Variants in TYSND1 observed in about 807,000 individuals in gnomAD.
The protein encoded by TYSND1 is trypsin like peroxisomal matrix peptidase 1.
Under a neutral mutation model 37.2 loss-of-function variants are expected in TYSND1, and 30 were observed. The ratio of observed to expected loss-of-function variants is 0.81; its 90% CI spans 0.60 to 1.09. The LOEUF (loss-of-function observed/expected upper bound fraction) is 1.09, where lower values mean the gene tolerates loss of function less well. Ranked by LOEUF, TYSND1 falls within the 50% of genes least tolerant of loss-of-function variation. The probability of loss-of-function intolerance (pLI) is 0.00; values close to 1 mark genes in which losing one functional copy is unlikely to be tolerated. For missense variants in TYSND1, 806 were observed against 817.4 expected, an observed-to-expected ratio of 0.99 and a Z score of 0.17; for synonymous variants, 364 against 383.8, an observed-to-expected ratio of 0.95 and a Z score of 0.60.
Position 70,146,050 on chromosome 10 carries a change from C to G in TYSND1, c.537G>C (p.Leu179=), listed in dbSNP as rs1408299750. The G allele has an allele frequency of 6.3e-7, 1 of 1,596,434 alleles. No homozygotes were observed. The highest frequency in any genetic ancestry group is 8.5e-7 in the Non-Finnish European group (1 of 1,170,018). The change falls in exon 1 of 4, where the codon CTG becomes CTC. Residue 179 remains leucine, a synonymous_variant. Coordinates refer to ENST00000287078, the MANE Select transcript of TYSND1 (RefSeq NM_173555.4). The part of the protein sequence containing the change: ...EVSEDEEADQ[L]RALGWFALLG... ...GCAGCGCAAACCAGCCCAGCGCTCT[C>G]AGTTGATCCGCCTCCTCGTCCTCCG...
chr10:70,145,883 A>G lies in TYSND1; in HGVS notation c.704T>C (p.Leu235Pro). The change falls in exon 1 of 4, where the codon CTC (leucine) becomes CCC (proline). Residue 235 changes from leucine to proline, a missense_variant. Transcript: ENST00000287078. ...PFGAFCPDIF[L>P]NTLSCGVLSN... ...GAGCACCCCGCAGCTCAGCGTGTTGAGAAAGATGTCGGGGCAGAAGGCGCC... is the reference window on the plus strand; with the variant it reads ...GAGCACCCCGCAGCTCAGCGTGTTGGGAAAGATGTCGGGGCAGAAGGCGCC... 3.9e-6 allele frequency: 6 copies of G among 1,546,860 alleles called. No individual in the cohort carries two copies. Among genetic ancestry groups the G allele is most frequent in the Non-Finnish European group, 5.2e-6 (6 of 1,145,536 alleles).
rs894034624 is a variant in TYSND1, at chr10:70,138,803, A to G, written c.*1121T>C. ...ACCCTGCTGAGAAAACAGCACAGAA[A>G]GGGTGTATTTCTGGGTTGGGCACAG... On this transcript the variant is annotated 3_prime_UTR_variant, in exon 4 of 4. Transcript: ENST00000287078. 1 of 152,368 alleles carries G rather than the reference A, an allele frequency of 6.6e-6. No homozygotes were observed. Among genetic ancestry groups the G allele is most frequent in the African/African-American group, 2.4e-5 (1 of 41,470 alleles). The allele number at this position is 152,368 out of a possible 1,614,324, so 9.4% of individuals were successfully genotyped here. A position where few individuals can be genotyped will look rare whatever the true frequency, so the allele number is the denominator to read the frequency against.
At chr10:70,141,864 C>T (rs767748912) in intron 3 of TYSND1, among the ~76,000 whole-genome samples, 40 of 152,264 alleles carry the variant, frequency 2.6e-4, no homozygotes, top group South Asian at 6.2e-4. Flanking sequence ...CACGAGCTAC[C>T]ACACCAGGCC....
intron 3 of TYSND1, among the ~76,000 whole-genome samples, chr10:70,142,438 G>A (rs545169222): frequency 6.6e-6 from 1 of 152,300 alleles, no homozygotes; most frequent in East Asian, 1.9e-4. Context: ...GATCAAACCA[G>A]ATTAGATTAG....
At chr10:70,143,791 C>A in intron 2 of TYSND1, 51 bp downstream of exon 2, 1 of 1,607,168 alleles carries the variant, frequency 6.2e-7, no homozygotes, top group South Asian at 1.1e-5. Flanking sequence ...TTCCTGAGGC[C>A]CACCCTAGCT....
Position 70,145,506 on chromosome 10 carries a change from C to A in TYSND1, c.1081G>T (p.Ala361Ser), listed in dbSNP as rs760376665. Reference sequence around the variant, plus strand: ...GTCACTACAAGGCGGGGTGCCACAGCCACTCCGGAGCCCCATACGGTGCCG... The same window carrying A: ...GTCACTACAAGGCGGGGTGCCACAGACACTCCGGAGCCCCATACGGTGCCG... ...ECGTVWGSGVAVAPRLVVTCR... is the reference protein window; with the variant it reads ...ECGTVWGSGVSVAPRLVVTCR... Residue 361 changes from alanine (A) to serine (S), a missense_variant, in exon 1 of 4, where the codon GCT (alanine) becomes TCT (serine). Transcript: ENST00000287078. The A allele has an allele frequency of 6.5e-7, 1 of 1,530,672 alleles. No individual in the cohort carries two copies. The highest frequency in any genetic ancestry group is 2.0e-5 in the Admixed American group (1 of 50,306). 94.8% of individuals were successfully genotyped at this position (1,530,672 alleles called of 1,614,324 possible).
intron 2 of TYSND1, 108 bp from the exon 3 acceptor site, chr10:70,142,961 C>T (rs974481517): frequency 4.6e-6 from 6 of 1,304,794 alleles, no homozygotes; most frequent in Non-Finnish European, 5.3e-6. Flanking sequence ...ACCTCTCCAC[C>T]CTTCAAGTTT....
At position 70,145,842 on chromosome 10, in the gene TYSND1, G is replaced by A. The variant is rs1343542773; in HGVS notation, c.745C>T (p.Pro249Ser). ...CAGCGTGCGTCGGTAAGCAGCAGTG[G>A]GCCGGCCACGTTGCTGAGCACCCCG... ...SCGVLSNVAG[P>S]LLLTDARCLP... Residue 249 changes from proline to serine, a missense_variant, in exon 1 of 4, where the codon CCA becomes TCA. Physicochemically the swap from Pro to Ser is moderately conservative, Grantham distance 74. Transcript: ENST00000287078. The A allele has an allele frequency of 1.9e-6, 3 of 1,539,778 alleles. No homozygotes were observed. Among genetic ancestry groups the A allele is most frequent in the Admixed American group, 4.0e-5 (2 of 50,592 alleles).
chr10:70,145,758 C>T lies in TYSND1; in HGVS notation c.829G>A (p.Ala277Thr). 1 of 1,438,746 alleles carries T rather than the reference C, an allele frequency of 7.0e-7. No homozygotes were observed. The allele number at this position is 1,438,746 out of a possible 1,614,324, so 89.1% of individuals were successfully genotyped here. The change falls in exon 1 of 4, where the codon GCG becomes ACG. Residue 277 changes from alanine to threonine, a missense_variant. Physicochemically the swap from Ala to Thr is moderately conservative, Grantham distance 58. Coordinates refer to ENST00000287078, the MANE Select transcript of TYSND1 (RefSeq NM_173555.4). Reference sequence around the variant, plus strand: ...CAACAGAGCGGCGCCACCACCAGCGCCACCAGCGCCCCCGCGGGCCGCGCG... The same window carrying T: ...CAACAGAGCGGCGCCACCACCAGCGTCACCAGCGCCCCCGCGGGCCGCGCG... ...FTARPAGALV[A>T]LVVAPLCWKA...
intron 3 of TYSND1, among the ~76,000 whole-genome samples, chr10:70,142,348 A>G (rs1466192235): frequency 1.3e-5 from 2 of 151,424 alleles, no homozygotes; most frequent in Non-Finnish European, 2.9e-5. Flanking sequence ...TTGTCTTCTC[A>G]TTCATTTGCT....
intron 3 of TYSND1, among the ~76,000 whole-genome samples, chr10:70,140,443 A>T (rs2072748425): frequency 6.6e-6 from 1 of 152,152 alleles, no homozygotes; most frequent in African/African-American, 2.4e-5. Context: ...GGTTTTGTTC[A>T]TGCAGTCTCC....
intron 3 of TYSND1, 29 bp from the exon 4 acceptor site, chr10:70,140,170 A>C (rs1382185884): frequency 6.4e-7 from 1 of 1,563,044 alleles, no homozygotes; most frequent in African/African-American, 1.3e-5. Flanking sequence ...GCAAAAGAGG[A>C]TGTGAGCCAG....
rs78706457 is a variant in TYSND1 at position 70,143,067 on chromosome 10, G to T, written c.1298-214C>A. On this transcript the variant is annotated intron_variant, in intron 2 of 3. Coordinates refer to ENST00000287078, the MANE Select transcript of TYSND1 (RefSeq NM_173555.4). ...TGAGCTCCTAGCACTGTATCTGCAT[G>T]ACCACTTCTGAGCAACAGGCTGTTC... 8.0e-3 allele frequency among the ~76,000 whole-genome samples: 1,223 copies of T among 152,312 alleles called. 6 individuals are homozygous for T. Among genetic ancestry groups the T allele is most frequent in the Non-Finnish European group, 0.013 (890 of 68,018 alleles).
In TYSND1 at chr10:70,145,468, C is replaced by A; in HGVS notation, c.1119G>T (p.Val373=). ...APRLVVTCRH[V]SPREAARVLV... ...GGACCCTGGCTGCTTCCCGAGGGGACACGTGCCGACAGGTCACTACAAGGC... is the reference window on the plus strand; with the variant it reads ...GGACCCTGGCTGCTTCCCGAGGGGAAACGTGCCGACAGGTCACTACAAGGC... Residue 373 remains valine (V), a synonymous_variant, in exon 1 of 4, where the codon GTG becomes GTT. Coordinates refer to ENST00000287078, the MANE Select transcript of TYSND1 (RefSeq NM_173555.4). The A allele has an allele frequency of 6.7e-7, 1 of 1,486,530 alleles. No homozygotes were observed. Among genetic ancestry groups the A allele is most frequent in the Non-Finnish European group, 8.9e-7 (1 of 1,120,734 alleles). 92.1% of individuals were successfully genotyped at this position (1,486,530 alleles called of 1,614,324 possible).
rs993318591 is a variant in TYSND1 at position 70,138,030 on chromosome 10, G to A, written c.*1894C>T. On this transcript the variant is annotated 3_prime_UTR_variant, in exon 4 of 4. Transcript: ENST00000287078. ...GGATATCGCAAAGGATACAGATGAA[G>A]AGATGCACATAGAGCAAGGAATGAG... 4 of 152,272 alleles carry A rather than the reference G, an allele frequency of 2.6e-5. No individual in the cohort carries two copies. The highest frequency in any genetic ancestry group is 5.9e-5 in the Non-Finnish European group (4 of 68,064). 9.4% of individuals were successfully genotyped at this position (152,272 alleles called of 1,614,324 possible). A position where few individuals can be genotyped will look rare whatever the true frequency, so the allele number is the denominator to read the frequency against.
Position 70,145,864 on chromosome 10 carries a change from C to T in TYSND1, c.723G>A (p.Gly241=), listed in dbSNP as rs1177881599. ...GTGGGCCGGCCACGTTGCTGAGCAC[C>T]CCGCAGCTCAGCGTGTTGAGAAAGA... The part of the protein sequence containing the change: ...PDIFLNTLSC[G]VLSNVAGPLL... The change falls in exon 1 of 4, where the codon GGG becomes GGA. Residue 241 remains glycine (G), a synonymous_variant. Transcript: ENST00000287078. The T allele has an allele frequency of 1.9e-6, 3 of 1,544,918 alleles. No individual in the cohort carries two copies. Among genetic ancestry groups the T allele is most frequent in the East Asian group, 4.9e-5 (2 of 40,692 alleles).
rs574800270 is a variant in TYSND1, at chr10:70,145,450, G to C, written c.1137C>G (p.Ala379=). 1.1e-5 allele frequency: 16 copies of C among 1,470,220 alleles called. No homozygotes were observed. In the South Asian group the frequency reaches 2.3e-4, roughly 21 times the overall value. The allele number at this position is 1,470,220 out of a possible 1,614,324, so 91.1% of individuals were successfully genotyped here. A position where few individuals can be genotyped will look rare whatever the true frequency, so the allele number is the denominator to read the frequency against. Residue 379 remains alanine (A), a synonymous_variant, in exon 1 of 4, where the codon GCC becomes GCG. Coordinates refer to ENST00000287078, the MANE Select transcript of TYSND1 (RefSeq NM_173555.4). ...TCRHVSPREA[A]RVLVRSTTPK... ...GGGTGGTGGAGCGCACCAGGACCCT[G>C]GCTGCTTCCCGAGGGGACACGTGCC...
chr10:70,144,390 T>C (rs2072841657), intron 1 of TYSND1: 1 of 926,898 alleles, frequency 1.1e-6, no homozygotes, highest in Non-Finnish European at 1.3e-6. Flanking sequence ...AACACAACAC[T>C]TTCCTTCACT....
In TYSND1 at chr10:70,146,322, G is replaced by C; in HGVS notation, c.265C>G (p.Pro89Ala). Reference sequence around the variant, plus strand: ...CCGCCCCCGGGACCCGCGGCCGTTGGGGCCCACTGCACGTGCAGGCGCAGG... The same window carrying C: ...CCGCCCCCGGGACCCGCGGCCGTTGCGGCCCACTGCACGTGCAGGCGCAGG... ...DDLRLHVQWA[P>A]TAAGPGGGAE... The change falls in exon 1 of 4, where the codon CCA (proline) becomes GCA (alanine). Residue 89 changes from proline (P) to alanine (A), a missense_variant. Physicochemically the swap from Pro to Ala is conservative, Grantham distance 27. Coordinates refer to ENST00000287078, the MANE Select transcript of TYSND1 (RefSeq NM_173555.4). The C allele has an allele frequency of 6.6e-7, 1 of 1,515,214 alleles. No individual in the cohort carries two copies. The highest frequency in any genetic ancestry group is 8.8e-7 in the Non-Finnish European group (1 of 1,138,962). 93.9% of individuals were successfully genotyped at this position (1,515,214 alleles called of 1,614,324 possible).
Sources: allele counts gnomAD v4.1 joint callset (sites outside exome capture counted in the v4.1 genomes callset), GRCh38; gene constraint gnomAD v4.1.1; transcripts MANE v1.5; gene names NCBI Gene and HGNC (gene_info 2026-07-23, HGNC 2026-07-21).